The following SORCS3 variants were observed in gnomAD, a reference collection of about 807,000 sequenced individuals.
SORCS3 encodes the protein sortilin related VPS10 domain containing receptor 3, also known as VPS10 domain-containing receptor SorCS3.
SORCS3 carries 57 observed loss-of-function variants against 146.3 expected under a neutral mutation model. The ratio of observed to expected loss-of-function variants is 0.39; its 90% confidence interval spans 0.31 to 0.49. The LOEUF (loss-of-function observed/expected upper bound fraction) is 0.49, where lower values mean the gene tolerates loss of function less well. Ranked by LOEUF, SORCS3 falls within the 20% of genes least tolerant of loss-of-function variation. The pLI, the probability that SORCS3 is intolerant of heterozygous loss-of-function variation, is 0.92. For synonymous variants in SORCS3, 653 were observed against 618.5 expected (o/e 1.06, Z -0.83); for missense variants, 1,341 against 1,575.5 (o/e 0.85, Z 2.52).
At chr10:104,923,852 G>T (rs538202647) in intron 3 of SORCS3, among the ~76,000 whole-genome samples, 62 of 152,266 alleles carry the variant, frequency 4.1e-4, no homozygotes, top group African/African-American at 1.4e-3. Context: ...TATTCATAAA[G>T]GCAACAAGTG....
Position 104,815,097 on chromosome 10 carries a change from G to A in SORCS3, c.628-27695G>A, listed in dbSNP as rs562731546. 1.2e-4 allele frequency among the ~76,000 whole-genome samples: 18 copies of A among 152,248 alleles called. No homozygotes were observed. In the East Asian group the frequency reaches 2.9e-3, roughly 24 times the overall value. ...ACTGATGGAAGGAGGACACCTGTGC[G>A]TGATTACTGCTGTTCTGTCAGTGAA... On this transcript the variant is annotated intron_variant, in intron 1 of 26. Coordinates refer to ENST00000369701, the MANE Select transcript of SORCS3 (RefSeq NM_014978.3).
intron 1 of SORCS3, among the ~76,000 whole-genome samples, chr10:104,803,825 G>C (rs886463993): frequency 6.6e-6 from 1 of 152,092 alleles, no homozygotes; most frequent in Non-Finnish European, 1.5e-5. Flanking sequence ...TTCTCCTCCA[G>C]CTCTTCCTTG....
intron 1 of SORCS3, among the ~76,000 whole-genome samples, chr10:104,792,124 A>G (rs557163509): frequency 1.6e-4 from 25 of 152,340 alleles, no homozygotes; most frequent in African/African-American, 5.3e-4. Flanking sequence ...AGGCATAAGT[A>G]TAGAGGGAAG....
At chr10:105,007,226 G>T (rs542673367) in intron 4 of SORCS3, among the ~76,000 whole-genome samples, 2 of 152,240 alleles carry the variant, frequency 1.3e-5, no homozygotes, top group Non-Finnish European at 2.9e-5. Context: ...TCTACTTATT[G>T]TGCAGCCCTG....
chr10:105,209,191 G>A (rs1350766895), intron 16 of SORCS3, among the ~76,000 whole-genome samples: 1 of 152,020 alleles, frequency 6.6e-6, no homozygotes, highest in East Asian at 1.9e-4. Context: ...GCCCAGGCTG[G>A]AGTGCAGTGG....
chr10:104,799,452 G>A (rs1400036882), intron 1 of SORCS3, among the ~76,000 whole-genome samples: 1 of 150,862 alleles, frequency 6.6e-6, no homozygotes, highest in Non-Finnish European at 1.5e-5. Context: ...GATCAGAAAA[G>A]CAAACACCAC....
intron 9 of SORCS3, among the ~76,000 whole-genome samples, chr10:105,152,969 T>C (rs1358270301): frequency 6.6e-6 from 1 of 152,030 alleles, no homozygotes; most frequent in East Asian, 1.9e-4. Flanking sequence ...GGAGGTATAA[T>C]TTATGTATAG....
At chr10:104,949,156 C>G (rs1303781866) in intron 3 of SORCS3, among the ~76,000 whole-genome samples, 1 of 152,094 alleles carries the variant, frequency 6.6e-6, no homozygotes, top group African/African-American at 2.4e-5. Context: ...ATAATCACCA[C>G]CCCACTCCAG....
chr10:104,802,775 C>G (rs1564687571), intron 1 of SORCS3, among the ~76,000 whole-genome samples: 1 of 152,184 alleles, frequency 6.6e-6, no homozygotes, highest in Non-Finnish European at 1.5e-5. Flanking sequence ...GCTCAGAGAT[C>G]TTGGAGAGAG....
At position 105,202,713 on chromosome 10, in the gene SORCS3, G is replaced by A. The variant is rs191640557; in HGVS notation, c.2261+1460G>A. On this transcript the variant is annotated intron_variant, in intron 16 of 26. Coordinates refer to ENST00000369701, the MANE Select transcript of SORCS3 (RefSeq NM_014978.3). ...CGCTGTAAACATTCAATAAAGAGTTGTAGCATGTTTCTGAACATTGTTCCT... is the reference window on the plus strand; with the variant it reads ...CGCTGTAAACATTCAATAAAGAGTTATAGCATGTTTCTGAACATTGTTCCT... 2.1e-3 allele frequency among the ~76,000 whole-genome samples: 326 copies of A among 152,244 alleles called. 2 individuals are homozygous for A. Among genetic ancestry groups the A allele is most frequent in the African/African-American group, 7.4e-3 (306 of 41,552 alleles).
intron 1 of SORCS3, among the ~76,000 whole-genome samples, chr10:104,832,493 G>A (rs1158093701): frequency 1.3e-5 from 2 of 152,108 alleles, no homozygotes; most frequent in African/African-American, 4.8e-5. Context: ...CAAGGTGGGC[G>A]GACTGCCTGT....
chr10:104,656,683 GA>G (rs1203750005), intron 1 of SORCS3, among the ~76,000 whole-genome samples: 5 of 151,634 alleles, frequency 3.3e-5, no homozygotes, highest in Non-Finnish European at 4.4e-5. Context: ...AAAAGAAAAA[GA>G]AAAAAAGTAA....
intron 14 of SORCS3, among the ~76,000 whole-genome samples, chr10:105,182,953 T>C (rs953257757): frequency 7.9e-5 from 12 of 152,152 alleles, no homozygotes; most frequent in African/African-American, 2.9e-4. Context: ...TCTGCCCACC[T>C]CAGCCTCCCA....
At chr10:105,186,255 T>C (rs1001065948) in intron 14 of SORCS3, among the ~76,000 whole-genome samples, 1 of 152,210 alleles carries the variant, frequency 6.6e-6, no homozygotes, top group Admixed American at 6.5e-5. Context: ...GTTTTACATG[T>C]GGATTATCTT....
At chr10:104,761,943 C>CTGCT (rs1405193439) in intron 1 of SORCS3, among the ~76,000 whole-genome samples, 4 of 152,178 alleles carry the variant, frequency 2.6e-5, no homozygotes, top group African/African-American at 9.7e-5. Flanking sequence ...TGGGCCTACA[C>CTGCT]TGCTTGTGTG....
chr10:104,718,177 A>C (rs950223949), intron 1 of SORCS3, among the ~76,000 whole-genome samples: 20 of 151,966 alleles, frequency 1.3e-4, no homozygotes, highest in African/African-American at 3.9e-4. Flanking sequence ...TGAATAAATA[A>C]ATAAATAAGA....
chr10:104,677,169 T>C (rs2015920776), intron 1 of SORCS3, among the ~76,000 whole-genome samples: 1 of 152,214 alleles, frequency 6.6e-6, no homozygotes. Context: ...CAACCTTTTG[T>C]GGTGACAGTC....
At chr10:104,958,524 A>G (rs1020388314) in intron 3 of SORCS3, among the ~76,000 whole-genome samples, 17 of 152,172 alleles carry the variant, frequency 1.1e-4, no homozygotes, top group Non-Finnish European at 2.1e-4. Context: ...AATCTAGAGA[A>G]TGGGAAAGAG....
At chr10:104,941,165 C>T (rs1001203764) in intron 3 of SORCS3, among the ~76,000 whole-genome samples, 4 of 152,094 alleles carry the variant, frequency 2.6e-5, no homozygotes, top group African/African-American at 9.7e-5. Flanking sequence ...AGGTTTTGAC[C>T]AGCTTCTTTA....
Sources: allele counts gnomAD v4.1 joint callset (sites outside exome capture counted in the v4.1 genomes callset), GRCh38; gene constraint gnomAD v4.1.1; transcripts MANE v1.5; gene names NCBI Gene and HGNC (gene_info 2026-07-23, HGNC 2026-07-21).